Variants in GRM7 observed in about 807,000 individuals in gnomAD.
GRM7 encodes glutamate metabotropic receptor 7.
A neutral mutation model predicts 84.5 loss-of-function variants in GRM7; 35 were observed. The ratio of observed to expected loss-of-function variants is 0.41; its 90% CI spans 0.32 to 0.55. GRM7 has a LOEUF of 0.55. Among genes scored for constraint, GRM7 ranks in the 20% least tolerant of loss-of-function variants. The probability of loss-of-function intolerance (pLI) is 0.19; values close to 1 mark genes in which losing one functional copy is unlikely to be tolerated. For missense variants in GRM7, 1,003 were observed against 1,194.6 expected (o/e 0.84, Z 2.36); for synonymous variants, 487 against 455.1 (o/e 1.07, Z -0.89).
intron 2 of GRM7, among the ~76,000 whole-genome samples, chr3:7,279,090 A>T (rs1393319161): frequency 6.6e-6 from 1 of 152,180 alleles, no homozygotes; most frequent in Non-Finnish European, 1.5e-5. Context: ...CAACATAGAT[A>T]AGAAAACGGT....
chr3:7,247,747 A>T (rs1020633065), intron 2 of GRM7, among the ~76,000 whole-genome samples: 7 of 152,028 alleles, frequency 4.6e-5, no homozygotes, highest in Non-Finnish European at 7.4e-5. Flanking sequence ...ATAATGTTTT[A>T]TATATTAAAA....
chr3:6,975,876 A>C (rs1207183716), intron 1 of GRM7, among the ~76,000 whole-genome samples: 1 of 152,196 alleles, frequency 6.6e-6, no homozygotes, highest in Non-Finnish European at 1.5e-5. Context: ...ACTCTCAGGG[A>C]GAACATAAGG....
chr3:7,377,660 C>T (rs1357377286), intron 4 of GRM7, among the ~76,000 whole-genome samples: 1 of 152,102 alleles, frequency 6.6e-6, no homozygotes, highest in Non-Finnish European at 1.5e-5. Flanking sequence ...TGTGCTGTCT[C>T]CTGCAGGGAT....
intron 5 of GRM7, among the ~76,000 whole-genome samples, chr3:7,433,847 T>G (rs1198791978): frequency 6.6e-6 from 1 of 152,212 alleles, no homozygotes; most frequent in African/African-American, 2.4e-5. Flanking sequence ...GTCTCATCTG[T>G]GAATTCTTTA....
At position 7,260,673 on chromosome 3, in the gene GRM7, TTGTGTGTGTG is replaced by T. The variant is rs71063292; in HGVS notation, c.737-37987_737-37978del. On this transcript the variant is annotated intron_variant, in intron 2 of 9. Transcript: ENST00000357716. The stretch of plus-strand genomic sequence containing the variant: ...CTCCTGGATTTGTTGTTCTTTTGAA[TTGTGTGTGTG>T]TGTGTGTGTGTGTGTGTGTGTGTCT... Among the ~76,000 whole-genome samples, 13 of 144,526 alleles carry T rather than the reference TTGTGTGTGTG, an allele frequency of 9.0e-5. 1 individual carries two copies. The South Asian group carries it at 2.8e-3, about 31-fold the overall frequency. 94.8% of individuals were successfully genotyped at this position (144,526 alleles called of 152,430 possible). A position where few individuals can be genotyped will look rare whatever the true frequency, so the allele number is the denominator to read the frequency against.
intron 5 of GRM7, among the ~76,000 whole-genome samples, chr3:7,427,267 G>A (rs917961670): frequency 7.2e-5 from 11 of 152,192 alleles, no homozygotes; most frequent in Non-Finnish European, 1.6e-4. Flanking sequence ...AGAGAACTAA[G>A]AAATGTATTG....
chr3:7,291,977 C>T (rs530904098), intron 2 of GRM7, among the ~76,000 whole-genome samples: 4 of 152,276 alleles, frequency 2.6e-5, no homozygotes, highest in African/African-American at 7.2e-5. Flanking sequence ...AAACCCATTT[C>T]GCTTGGTTCT....
At chr3:6,961,452 G>A (rs1693293206) in intron 1 of GRM7, among the ~76,000 whole-genome samples, 1 of 152,032 alleles carries the variant, frequency 6.6e-6, no homozygotes, top group African/African-American at 2.4e-5. Context: ...GCTGAATTGA[G>A]GAGGTAGAAT....
chr3:7,121,693 T>C (rs1359374998), intron 1 of GRM7, among the ~76,000 whole-genome samples: 3 of 152,066 alleles, frequency 2.0e-5, no homozygotes, highest in Admixed American at 2.0e-4. Context: ...CCACTGGGGG[T>C]TACTATACTG....
intron 1 of GRM7, among the ~76,000 whole-genome samples, chr3:7,030,632 T>A (rs1022828425): frequency 2.0e-5 from 3 of 152,184 alleles, no homozygotes; most frequent in Non-Finnish European, 4.4e-5. Flanking sequence ...ATATTCACAG[T>A]CATTTGATCA....
At chr3:7,222,777 G>T (rs1696853125) in intron 2 of GRM7, among the ~76,000 whole-genome samples, 1 of 152,180 alleles carries the variant, frequency 6.6e-6, no homozygotes, top group Non-Finnish European at 1.5e-5. Flanking sequence ...TCCTAGATTT[G>T]TTGGTTTATT....
At chr3:7,547,521 A>G (rs1203403191) in intron 7 of GRM7, among the ~76,000 whole-genome samples, 2 of 152,128 alleles carry the variant, frequency 1.3e-5, no homozygotes, top group African/African-American at 4.8e-5. Flanking sequence ...AATTATTAAT[A>G]GCTAGAAGAG....
At chr3:7,654,590 G>A (rs2125117484) in intron 8 of GRM7, among the ~76,000 whole-genome samples, 1 of 152,258 alleles carries the variant, frequency 6.6e-6, no homozygotes. Context: ...TTAAGACATA[G>A]GCTTTGGAAC....
intron 1 of GRM7, among the ~76,000 whole-genome samples, chr3:7,052,580 T>C (rs1054565661): frequency 6.9e-6 from 1 of 144,664 alleles, no homozygotes; most frequent in Non-Finnish European, 1.5e-5. Context: ...CAGACAAGTC[T>C]GTGACCACTA....
At chr3:7,472,586 C>A (rs1286272553) in intron 7 of GRM7, among the ~76,000 whole-genome samples, 2 of 152,128 alleles carry the variant, frequency 1.3e-5, no homozygotes, top group South Asian at 2.1e-4. Flanking sequence ...ACTGTTGACT[C>A]CAGCTGTTTT....
chr3:6,926,979 A>G (rs1209755717), intron 1 of GRM7, among the ~76,000 whole-genome samples: 5 of 152,190 alleles, frequency 3.3e-5, no homozygotes, highest in East Asian at 1.9e-4. Context: ...TCTTTTTATC[A>G]TAGTCAGGTC....
At chr3:7,272,117 C>T (rs1351629268) in intron 2 of GRM7, among the ~76,000 whole-genome samples, 1 of 152,112 alleles carries the variant, frequency 6.6e-6, no homozygotes, top group Non-Finnish European at 1.5e-5. Flanking sequence ...TTCTCAGTTG[C>T]TATCTTTTTG....
chr3:6,914,304 TATATTCTAA>T (rs1696870113), intron 1 of GRM7, among the ~76,000 whole-genome samples: 1 of 152,206 alleles, frequency 6.6e-6, no homozygotes, highest in Non-Finnish European at 1.5e-5. Context: ...TCCACAGTCA[TATATTCTAA>T]AAATAACTTA....
intron 1 of GRM7, among the ~76,000 whole-genome samples, chr3:7,144,041 A>C (rs1190103954): frequency 2.6e-5 from 4 of 152,178 alleles, no homozygotes; most frequent in Non-Finnish European, 5.9e-5. Flanking sequence ...TGAGGCGCTT[A>C]TATAAGGTGT....
Sources: gnomAD v4.1 joint callset for allele counts (sites outside exome capture counted in the v4.1 genomes callset) on GRCh38, gnomAD v4.1.1 for gene constraint, MANE v1.5 for transcripts, NCBI Gene and HGNC (gene_info 2026-07-23, HGNC 2026-07-21) for gene names.